Variants in PPM1H observed in about 807,000 individuals in gnomAD.
PPM1H encodes the protein protein phosphatase 1H.
PPM1H carries 27 observed loss-of-function variants against 54.9 expected under a neutral mutation model. That is an observed-to-expected ratio of 0.49 (90% CI 0.36 to 0.68). The LOEUF (loss-of-function observed/expected upper bound fraction) is 0.68. Ranked by LOEUF, PPM1H falls within the 30% of genes least tolerant of loss-of-function variation. PPM1H has a pLI of 0.00. For synonymous variants in PPM1H, 305 were observed against 270.8 expected, an observed-to-expected ratio of 1.13 and a Z score of -1.24; for missense variants, 596 against 667.8, an observed-to-expected ratio of 0.89 and a Z score of 1.19.
At chr12:62,866,226 C>A (rs1869771305) in intron 1 of PPM1H, among the ~76,000 whole-genome samples, 1 of 152,110 alleles carries the variant, frequency 6.6e-6, no homozygotes, top group Admixed American at 6.5e-5. Context: ...TCTTGCTATC[C>A]CACTGGGAGG....
chr12:62,718,590 A>G (rs1203676661), intron 6 of PPM1H, among the ~76,000 whole-genome samples: 1 of 151,814 alleles, frequency 6.6e-6, no homozygotes, highest in Non-Finnish European at 1.5e-5. Flanking sequence ...CTCCTCTTCT[A>G]TTTGGTCATG....
chr12:62,661,151 A>G (rs183816726), intron 9 of PPM1H, among the ~76,000 whole-genome samples: 5 of 151,178 alleles, frequency 3.3e-5, no homozygotes, highest in East Asian at 3.9e-4. Flanking sequence ...TTTCTCCCCA[A>G]CTCCCCTGAC....
chr12:62,832,524 T>C (rs1452575603), intron 1 of PPM1H, among the ~76,000 whole-genome samples: 1 of 152,234 alleles, frequency 6.6e-6, no homozygotes, highest in African/African-American at 2.4e-5. Context: ...CACCCACAGG[T>C]GTCTGATAGA....
intron 3 of PPM1H, among the ~76,000 whole-genome samples, chr12:62,800,916 T>C (rs1354392119): frequency 9.2e-5 from 14 of 151,938 alleles, no homozygotes; most frequent in Non-Finnish European, 1.0e-4. Flanking sequence ...TGCTCAGGAG[T>C]GAGGCCAACA....
chr12:62,750,304 G>C (rs2120573623), intron 4 of PPM1H, among the ~76,000 whole-genome samples: 1 of 152,250 alleles, frequency 6.6e-6, no homozygotes, highest in East Asian at 1.9e-4. Flanking sequence ...CTAAGCCCTT[G>C]CAAATACTAA....
At chr12:62,785,037 T>C (rs988781258) in intron 4 of PPM1H, among the ~76,000 whole-genome samples, 4 of 152,232 alleles carry the variant, frequency 2.6e-5, no homozygotes, top group Non-Finnish European at 4.4e-5. Context: ...TATGAGGTTT[T>C]AGAGGTAGTA....
chr12:62,802,351 A>G (rs1016528051), intron 2 of PPM1H, among the ~76,000 whole-genome samples, 191 bp from the exon 3 acceptor site: 1 of 152,142 alleles, frequency 6.6e-6, no homozygotes, highest in Non-Finnish European at 1.5e-5. Flanking sequence ...CACTCAGGGA[A>G]GGGTCCCCAA....
intron 1 of PPM1H, among the ~76,000 whole-genome samples, chr12:62,899,147 T>C (rs1871083031): frequency 6.6e-6 from 1 of 152,238 alleles, no homozygotes; most frequent in Non-Finnish European, 1.5e-5. Flanking sequence ...AGCATAATGG[T>C]ATCACAAAAG....
intron 1 of PPM1H, among the ~76,000 whole-genome samples, chr12:62,900,972 T>A (rs1167590116): frequency 6.6e-6 from 1 of 152,190 alleles, no homozygotes; most frequent in Non-Finnish European, 1.5e-5. Flanking sequence ...GATCTCACCC[T>A]CTCTAAACTC....
At chr12:62,766,479 A>G (rs1169755624) in intron 4 of PPM1H, among the ~76,000 whole-genome samples, 3 of 152,172 alleles carry the variant, frequency 2.0e-5, no homozygotes, top group Admixed American at 6.5e-5. Flanking sequence ...GTGGGTCACA[A>G]ATGCTTCCTA....
intron 4 of PPM1H, among the ~76,000 whole-genome samples, chr12:62,763,344 C>T (rs1198325662): frequency 1.3e-5 from 2 of 152,186 alleles, no homozygotes; most frequent in African/African-American, 4.8e-5. Flanking sequence ...AACCGCACAC[C>T]ATGCTATGAA....
intron 1 of PPM1H, among the ~76,000 whole-genome samples, chr12:62,926,972 C>A (rs143673604): frequency 1.6e-4 from 25 of 152,202 alleles, no homozygotes; most frequent in Non-Finnish European, 2.6e-4. Flanking sequence ...ACAACAACAA[C>A]AAAAAGATAT....
intron 2 of PPM1H, among the ~76,000 whole-genome samples, chr12:62,826,084 T>C (rs906754866): frequency 6.6e-6 from 1 of 152,218 alleles, no homozygotes; most frequent in Non-Finnish European, 1.5e-5. Flanking sequence ...AATAATTCTT[T>C]ATGAATTGGT....
chr12:62,746,738 C>G (rs558781219), intron 4 of PPM1H, among the ~76,000 whole-genome samples: 14 of 152,298 alleles, frequency 9.2e-5, no homozygotes, highest in Non-Finnish European at 1.5e-4. Context: ...AGGAACTTTC[C>G]TTCTAGATGG....
intron 1 of PPM1H, among the ~76,000 whole-genome samples, chr12:62,886,344 C>T (rs2121063312): frequency 6.6e-6 from 1 of 152,300 alleles, no homozygotes; most frequent in Non-Finnish European, 1.5e-5. Context: ...ATGTACTATG[C>T]TCTCAAAGAA....
chr12:62,870,697 T>C (rs1869944558), intron 1 of PPM1H, among the ~76,000 whole-genome samples: 1 of 152,202 alleles, frequency 6.6e-6, no homozygotes, highest in Non-Finnish European at 1.5e-5. Context: ...GTTCTTAGAC[T>C]GGAACACCCA....
chr12:62,674,415 T>C (rs2136620186), intron 8 of PPM1H, among the ~76,000 whole-genome samples: 1 of 152,276 alleles, frequency 6.6e-6, no homozygotes, highest in Non-Finnish European at 1.5e-5. Context: ...ACCCAACAGC[T>C]CAACCTATGG....
chr12:62,813,268 C>T (rs910439441), intron 2 of PPM1H, among the ~76,000 whole-genome samples: 1 of 152,196 alleles, frequency 6.6e-6, no homozygotes, highest in African/African-American at 2.4e-5. Context: ...CTGCACAGAG[C>T]TCTAGAGTTT....
At chr12:62,716,842 G>T (rs1370463565) in intron 6 of PPM1H, among the ~76,000 whole-genome samples, 2 of 152,120 alleles carry the variant, frequency 1.3e-5, no homozygotes, top group Non-Finnish European at 2.9e-5. Context: ...CCATCTTTAA[G>T]TCCTAAAAAA....
Sources: gnomAD v4.1 joint callset for allele counts (sites outside exome capture counted in the v4.1 genomes callset) on GRCh38, gnomAD v4.1.1 for gene constraint, MANE v1.5 for transcripts, NCBI Gene and HGNC (gene_info 2026-07-23, HGNC 2026-07-21) for gene names.